The following DLG5 variants were observed in gnomAD, a reference collection of about 807,000 sequenced individuals.
DLG5 encodes the protein disks large homolog 5.
DLG5 carries 48 observed loss-of-function variants against 189.8 expected under a neutral mutation model. That is an observed-to-expected ratio of 0.25 (90% CI 0.20 to 0.32). The LOEUF is 0.32. DLG5 is among the 10% of genes least tolerant of loss of function. The pLI is 1.00. For missense variants in DLG5, 2,160 were observed against 2,544.7 expected (o/e 0.85, Z 3.25); for synonymous variants, 1,016 against 1,054.1 (o/e 0.96, Z 0.70).
chr10:77,938,951 G>T, the DLG5 span, among the ~76,000 whole-genome samples: 3 of 152,232 alleles, frequency 2.0e-5, no homozygotes, highest in Admixed American at 6.5e-5. Flanking sequence ...CACTTTGGAA[G>T]GTGGGCGGAT....
intron 9 of DLG5, 67 bp downstream of exon 9, chr10:77,833,847 C>A: frequency 6.3e-7 from 1 of 1,583,402 alleles, no homozygotes; most frequent in South Asian, 1.1e-5. Flanking sequence ...TTGCCTTGCC[C>A]AGAAGGGAGA....
At chr10:77,923,713 G>GTGCC (rs1221925826) in intron 1 of DLG5, among the ~76,000 whole-genome samples, 3 of 152,130 alleles carry the variant, frequency 2.0e-5, no homozygotes, top group African/African-American at 7.2e-5. Flanking sequence ...AGCCGAGATT[G>GTGCC]TGCCACTGCA....
chr10:77,831,672 A>G (rs190114171), intron 9 of DLG5, among the ~76,000 whole-genome samples: 43 of 152,334 alleles, frequency 2.8e-4, no homozygotes, highest in African/African-American at 9.4e-4. Context: ...CCAAAGGTGC[A>G]TAAGTTAACA....
chr10:77,860,061 G>A (rs1298021078), intron 2 of DLG5, among the ~76,000 whole-genome samples: 2 of 152,206 alleles, frequency 1.3e-5, no homozygotes, highest in African/African-American at 2.4e-5. Context: ...AGCCCAGGGG[G>A]AGGTTATGTT....
intron 1 of DLG5, among the ~76,000 whole-genome samples, chr10:77,918,185 C>T (rs1049237909): frequency 5.9e-5 from 9 of 151,694 alleles, no homozygotes; most frequent in Admixed American, 3.3e-4. Flanking sequence ...CCAAGGTGGG[C>T]GGACCATTTG....
chr10:77,923,613 G>T (rs1053041347), intron 1 of DLG5, among the ~76,000 whole-genome samples: 1 of 152,078 alleles, frequency 6.6e-6, no homozygotes, highest in Non-Finnish European at 1.5e-5. Context: ...ACAAAAATTA[G>T]CTGGTGTGGT....
At position 77,816,989 on chromosome 10, in the gene DLG5, A is replaced by C. The variant is rs1164891809; in HGVS notation, c.3874+18T>G. The C allele has an allele frequency of 6.2e-7, 1 of 1,611,472 alleles. No homozygotes were observed. Among genetic ancestry groups the C allele is most frequent in the Non-Finnish European group, 8.5e-7 (1 of 1,178,066 alleles). On this transcript the variant is annotated intron_variant, in intron 19 of 31. Transcript: ENST00000372391. ...CGCAGGAAAAGCAGGAGAGATGGGA[A>C]TGTCGAGAAGTCCTTACCTCTCTCG...
At position 77,807,830 on chromosome 10, in the gene DLG5, C is replaced by A. The variant is rs541250018; in HGVS notation, c.4762G>T (p.Ala1588Ser). The A allele has an allele frequency of 4.8e-5, 77 of 1,614,114 alleles. No individual in the cohort carries two copies. In the East Asian group the frequency reaches 1.3e-3, roughly 27 times the overall value. The change falls in exon 25 of 32, where the codon GCC (alanine) becomes TCC (serine). Residue 1588 changes from alanine to serine, a missense_variant. Physicochemically the swap from Ala to Ser is moderately conservative, Grantham distance 99 (BLOSUM62 1). Coordinates refer to ENST00000372391, the MANE Select transcript of DLG5 (RefSeq NM_004747.4). Reference protein sequence around the residue: ...VQYRPEEFTKAKGLPGDSFYI... With the variant: ...VQYRPEEFTKSKGLPGDSFYI... ...AAGCTGTCACCAGGCAGGCCCTTGG[C>A]CTTCGTGAACTCCTCAGGGCGGTAC...
At chr10:77,793,536 TTTTTTTGTTTTG>T (rs767517561) in intron 31 of DLG5, 199 of 151,136 alleles carry the variant, frequency 1.3e-3, no homozygotes, top group Middle Eastern at 6.8e-3. Flanking sequence ...CAGCATTGTT[TTTTTTTGTTTTG>T]TTTTTTGTTT....
At chr10:77,816,733 A>T in intron 19 of DLG5, 32 bp from the exon 20 acceptor site, 1 of 1,574,802 alleles carries the variant, frequency 6.3e-7, no homozygotes, top group Non-Finnish European at 8.6e-7. Flanking sequence ...GCCGGTGTGA[A>T]CTCCCATCTC....
intron 1 of DLG5, among the ~76,000 whole-genome samples, chr10:77,885,727 T>A (rs905109577): frequency 1.2e-4 from 18 of 151,976 alleles, no homozygotes; most frequent in African/African-American, 3.9e-4. Flanking sequence ...AGAGTAAGAG[T>A]TGAATCTGCA....
Position 77,843,545 on chromosome 10 carries a change from C to T in DLG5, c.1026G>A (p.Gly342=). 2 of 1,614,190 alleles carry T rather than the reference C, an allele frequency of 1.2e-6. No homozygotes were observed. Among genetic ancestry groups the T allele is most frequent in the Non-Finnish European group, 1.7e-6 (2 of 1,180,040 alleles). ...NADLSRLEQL[G]EENQRLLKQT... is the part of the protein sequence containing the mutation. The stretch of plus-strand genomic sequence containing the variant: ...GCTTCAGCAACCGCTGGTTCTCCTC[C>T]CCCAGCTGCTCCAGGCGGCTCAGGT... Residue 342 remains glycine, a synonymous_variant, in exon 6 of 32, where the codon GGG becomes GGA. Transcript: ENST00000372391.
intron 31 of DLG5, chr10:77,792,888 AG>A: frequency 3.2e-6 from 1 of 308,012 alleles, no homozygotes; most frequent in South Asian, 4.0e-5. Context: ...GACAAGTTTA[AG>A]GAGCCAGATA....
chr10:77,840,036 T>C (rs562049352), intron 7 of DLG5, among the ~76,000 whole-genome samples: 69 of 152,368 alleles, frequency 4.5e-4, no homozygotes, highest in Admixed American at 1.4e-3. Flanking sequence ...GTATTTTCTA[T>C]ATTGAATCAT....
At chr10:77,845,666 G>A (rs114961533) in intron 5 of DLG5, among the ~76,000 whole-genome samples, 1,879 of 151,872 alleles carry the variant, frequency 0.012, 36 homozygotes, top group African/African-American at 0.044. Context: ...AAAGGGAAAG[G>A]AGGGAGGGAG....
Position 77,853,477 on chromosome 10 carries a change from C to G in DLG5, c.741G>C (p.Leu247=), listed in dbSNP as rs1386496839. 1 of 1,612,070 alleles carries G rather than the reference C, an allele frequency of 6.2e-7. No individual in the cohort carries two copies. Among genetic ancestry groups the G allele is most frequent in the Non-Finnish European group, 8.5e-7 (1 of 1,179,390 alleles). ...QTRLKDDVDM[L]RRENGQLLRE... ...GCAGCAGCTGCCCATTCTCCCGCCT[C>G]AGCATGTCCACGTCATCCTTCAGCC... Residue 247 remains leucine (L), a synonymous_variant, in exon 5 of 32, where the codon CTG becomes CTC. Transcript: ENST00000372391.
At chr10:77,909,871 C>T in intron 1 of DLG5, among the ~76,000 whole-genome samples, 1 of 152,102 alleles carries the variant, frequency 6.6e-6, no homozygotes, top group East Asian at 1.9e-4. Flanking sequence ...ACTCAGTGTC[C>T]ACGGGGCCTT....
intron 9 of DLG5, among the ~76,000 whole-genome samples, chr10:77,832,846 AAG>A (rs1223392012): frequency 2.6e-5 from 4 of 152,200 alleles, no homozygotes; most frequent in Non-Finnish European, 4.4e-5. Context: ...GGTTCCTGTG[AAG>A]AGTCTTGCCT....
intron 25 of DLG5, among the ~76,000 whole-genome samples, chr10:77,807,143 C>A (rs1016094361): frequency 2.6e-5 from 4 of 152,146 alleles, no homozygotes; most frequent in African/African-American, 9.7e-5. Context: ...ACACTGAGGG[C>A]GCATCCCCAT....
Sources: gnomAD v4.1 joint callset for allele counts (sites outside exome capture counted in the v4.1 genomes callset) on GRCh38, gnomAD v4.1.1 for gene constraint, MANE v1.5 for transcripts, NCBI Gene and HGNC (gene_info 2026-07-23, HGNC 2026-07-21) for gene names.